The following TLN2 variants were observed in gnomAD, a reference collection of about 807,000 sequenced individuals.
The protein encoded by TLN2 is talin-2.
Under a neutral mutation model 294.7 loss-of-function variants are expected in TLN2, and 118 were observed. The observed-to-expected ratio is 0.40, with a 90% CI of 0.34 to 0.47. The LOEUF is 0.47. TLN2 is among the 20% of genes least tolerant of loss of function. TLN2 has a pLI of 0.84. For missense variants in TLN2, 3,083 were observed against 3,282.2 expected, an observed-to-expected ratio of 0.94 and a Z score of 1.48; for synonymous variants, 1,431 against 1,304.5, an observed-to-expected ratio of 1.10 and a Z score of -2.09.
intron 1 of TLN2, among the ~76,000 whole-genome samples, chr15:62,455,867 G>T (rs934103357): frequency 1.3e-5 from 2 of 152,042 alleles, no homozygotes. Flanking sequence ...CTCTACCGCC[G>T]CCACCTGTTC....
At position 62,666,249 on chromosome 15, in the gene TLN2, T is replaced by C. The variant is rs549454985; in HGVS notation, c.789-7578T>C. Among the ~76,000 whole-genome samples, 4 of 152,298 alleles carry C rather than the reference T, an allele frequency of 2.6e-5. No homozygotes were observed. In the South Asian group the frequency reaches 6.2e-4, roughly 24 times the overall value. On this transcript the variant is annotated intron_variant, in intron 9 of 58. Transcript: ENST00000636159. ...ATGCTGCTGTGGTTTGAATGTGTTC[T>C]CTCCAAAATTTGGGTGTTGTCAGTG...
chr15:62,501,879 G>T (rs779020287), intron 1 of TLN2, among the ~76,000 whole-genome samples: 5 of 152,158 alleles, frequency 3.3e-5, no homozygotes, highest in Non-Finnish European at 7.3e-5. Flanking sequence ...TTCCAAGGTA[G>T]GGAACTTAGT....
intron 54 of TLN2, chr15:62,828,320 T>G (rs1021605334): frequency 6.6e-6 from 1 of 152,248 alleles, no homozygotes; most frequent in Non-Finnish European, 1.5e-5. Context: ...GACGATTGCT[T>G]AGAGCTGATG....
chr15:62,815,243 T>C (rs1263825331), intron 52 of TLN2, among the ~76,000 whole-genome samples: 2 of 149,416 alleles, frequency 1.3e-5, no homozygotes, highest in Non-Finnish European at 3.0e-5. Flanking sequence ...TCACTCGCTC[T>C]GCCCTTCACT....
At chr15:62,534,510 C>T (rs546532694) in intron 1 of TLN2, among the ~76,000 whole-genome samples, 54 of 152,318 alleles carry the variant, frequency 3.5e-4, no homozygotes, top group African/African-American at 1.2e-3. Flanking sequence ...GTGGATGCAC[C>T]ACCCTCCAAG....
At chr15:62,438,920 C>T (rs1288264642) in intron 1 of TLN2, among the ~76,000 whole-genome samples, 3 of 152,190 alleles carry the variant, frequency 2.0e-5, no homozygotes, top group Non-Finnish European at 2.9e-5. Flanking sequence ...ACTTCCTACT[C>T]TTAATTTCCT....
chr15:62,523,761 TGTAC>T (rs1487284815), intron 1 of TLN2, among the ~76,000 whole-genome samples: 1 of 152,226 alleles, frequency 6.6e-6, no homozygotes, highest in African/African-American at 2.4e-5. Context: ...AAAGTGACAG[TGTAC>T]ACACCTCAAT....
At chr15:62,476,315 T>G (rs970959350) in intron 1 of TLN2, 8 of 152,304 alleles carry the variant, frequency 5.3e-5, no homozygotes, top group Admixed American at 4.6e-4. Context: ...CATTTGTGTC[T>G]TCTCTGCCAG....
intron 1 of TLN2, among the ~76,000 whole-genome samples, chr15:62,531,113 A>C (rs2041018605): frequency 6.6e-6 from 1 of 152,232 alleles, no homozygotes. Flanking sequence ...CAGTTTATGG[A>C]GATCTCTACT....
intron 52 of TLN2, among the ~76,000 whole-genome samples, chr15:62,810,761 T>G (rs1299523843): frequency 2.0e-5 from 3 of 152,166 alleles, no homozygotes; most frequent in Non-Finnish European, 4.4e-5. Flanking sequence ...GAGCCATGTT[T>G]AGAACCATGT....
At position 62,701,997 on chromosome 15, in the gene TLN2, C is replaced by A; in HGVS notation, c.1702C>A (p.Pro568Thr). ...ATGGTTCTTTTCTGTGCCAGGTGAC[C>A]CTGCAGACACTGACTACACAGCTGT... ...ASVVNLTAGD[P>T]ADTDYTAVGC... The change falls in exon 18 of 59, where the codon CCT becomes ACT. Residue 568 changes from proline (P) to threonine (T), a missense_variant. Coordinates refer to ENST00000636159, the MANE Select transcript of TLN2 (RefSeq NM_015059.3). The A allele has an allele frequency of 6.2e-7, 1 of 1,614,054 alleles. No individual in the cohort carries two copies. Among genetic ancestry groups the A allele is most frequent in the Non-Finnish European group, 8.5e-7 (1 of 1,180,030 alleles).
Position 62,502,138 on chromosome 15 carries a change from C to G in TLN2, c.-237-87549C>G, listed in dbSNP as rs546582304. 3.9e-5 allele frequency among the ~76,000 whole-genome samples: 6 copies of G among 152,334 alleles called. No individual in the cohort carries two copies. The East Asian group carries it at 1.2e-3, about 29-fold the overall frequency. ...GATTGGAAGGCATTGCCACAAGTTT[C>G]TTCAGCTGAAGGAAGCTTTACGGAG... On this transcript the variant is annotated intron_variant, in intron 1 of 58. Transcript: ENST00000636159.
rs759722896 is a variant in TLN2, at chr15:62,647,382, T to C, written c.72T>C (p.Ser24=). ...TGAAGACCATGCAGTTTGAACCATC[T>C]ACAGCTGTGTACGATGCGTGTCGAG... ...NVVKTMQFEP[S]TAVYDACRVI... Residue 24 remains serine (S), a synonymous_variant, in exon 4 of 59, where the codon TCT becomes TCC. Coordinates refer to ENST00000636159, the MANE Select transcript of TLN2 (RefSeq NM_015059.3). 2 of 1,614,242 alleles carry C rather than the reference T, an allele frequency of 1.2e-6. No individual in the cohort carries two copies. The highest frequency in any genetic ancestry group is 1.3e-5 in the African/African-American group (1 of 75,068).
intron 5 of TLN2, among the ~76,000 whole-genome samples, chr15:62,651,668 T>C (rs976618934): frequency 1.3e-5 from 2 of 152,118 alleles, no homozygotes; most frequent in Non-Finnish European, 2.9e-5. Context: ...CAGGGCGGCT[T>C]ATGGAAACAA....
intron 32 of TLN2, among the ~76,000 whole-genome samples, chr15:62,742,949 A>C (rs1332696870): frequency 6.6e-6 from 1 of 152,156 alleles, no homozygotes; most frequent in Non-Finnish European, 1.5e-5. Flanking sequence ...TCATGTCTTC[A>C]TTACATAGAT....
chr15:62,592,783 G>GCAGGAATAAA (rs1353605251), intron 2 of TLN2, among the ~76,000 whole-genome samples: 2 of 152,216 alleles, frequency 1.3e-5, no homozygotes, highest in African/African-American at 4.8e-5. Flanking sequence ...GCCACGCTTT[G>GCAGGAATAAA]CAGGAATAAA....
chr15:62,721,661 T>G (rs1279719338), intron 25 of TLN2, among the ~76,000 whole-genome samples: 1 of 152,150 alleles, frequency 6.6e-6, no homozygotes, highest in East Asian at 1.9e-4. Context: ...TTTTAAAAAT[T>G]TATACAAAGA....
chr15:62,448,731 C>T (rs577785541), intron 1 of TLN2, among the ~76,000 whole-genome samples: 11 of 152,286 alleles, frequency 7.2e-5, no homozygotes, highest in African/African-American at 2.2e-4. Context: ...ATTCACAGAG[C>T]GGTCTCTAGA....
intron 1 of TLN2, among the ~76,000 whole-genome samples, chr15:62,547,655 G>A (rs991051627): frequency 2.6e-5 from 4 of 152,170 alleles, no homozygotes; most frequent in Admixed American, 6.5e-5. Context: ...TTCCATTCTG[G>A]TGTTGCCCCC....
Sources: allele counts gnomAD v4.1 joint callset (sites outside exome capture counted in the v4.1 genomes callset), GRCh38; gene constraint gnomAD v4.1.1; transcripts MANE v1.5; gene names NCBI Gene and HGNC (gene_info 2026-07-23, HGNC 2026-07-21).